NLRP8: variants seen among roughly 807,000 people sequenced by gnomAD.
The protein encoded by NLRP8 is NLR family pyrin domain containing 8, also known as NACHT, LRR and PYD domains-containing protein 8.
NLRP8 carries 86 observed loss-of-function variants against 88.7 expected under a neutral mutation model. The observed-to-expected ratio is 0.97, with a 90% confidence interval of 0.81 to 1.16. NLRP8 has a LOEUF of 1.16. Ranked by LOEUF, NLRP8 falls within the 50% of genes most tolerant of loss-of-function variation. The probability of loss-of-function intolerance (pLI) is 0.00; values close to 1 mark genes in which losing one functional copy is unlikely to be tolerated. For missense variants in NLRP8, 1,342 were observed against 1,286.5 expected, an observed-to-expected ratio of 1.04 and a Z score of -0.66; for synonymous variants, 504 against 494.6, an observed-to-expected ratio of 1.02 and a Z score of -0.25.
In NLRP8 at chr19:55,976,162, GCTGT is replaced by G; in HGVS notation, c.2737_2740del (p.Cys913ArgfsTer3). 1 of 1,607,740 alleles carries G rather than the reference GCTGT, an allele frequency of 6.2e-7. No homozygotes were observed. Among genetic ancestry groups the G allele is most frequent in the Non-Finnish European group, 8.5e-7 (1 of 1,178,556 alleles). On this transcript the variant is annotated frameshift_variant, in exon 8 of 10. Transcript: ENST00000291971. LOFTEE classifies it high-confidence loss of function. ...AGAAAGTGTGACTTGACCTTTAATT[GCTGT>G]CAGGATATGATCTCTGCGCTCTGTA...
intron 4 of NLRP8, among the ~76,000 whole-genome samples, chr19:55,963,987 A>G (rs1474577535): frequency 1.3e-5 from 2 of 152,144 alleles, no homozygotes; most frequent in African/African-American, 4.8e-5. Context: ...CAGATGAGAA[A>G]CTGAGGCATG....
chr19:55,959,334 C>T (rs574886069), intron 3 of NLRP8, among the ~76,000 whole-genome samples: 1 of 151,764 alleles, frequency 6.6e-6, no homozygotes. Context: ...GCCTCAGCCT[C>T]CCCAGTAGCT....
In NLRP8 at chr19:55,973,697, C is replaced by A. The variant is rs779967081; in HGVS notation, c.2580C>A (p.Ala860=). 3 of 1,613,678 alleles carry A rather than the reference C, an allele frequency of 1.9e-6. No individual in the cohort carries two copies. The highest frequency in any genetic ancestry group is 2.5e-6 in the Non-Finnish European group (3 of 1,179,812). ...CACAGCTTACTTGTGAAAGCCTTGC[C>A]TCCTGTCTCAGGCAGAGTAAGATGC... is the stretch of plus-strand genomic sequence containing the variant. Residue 860 remains alanine (A), a synonymous_variant, in exon 7 of 10, where the codon GCC becomes GCA. Transcript: ENST00000291971.
At chr19:55,971,565 T>C (rs1980074909) in intron 6 of NLRP8, among the ~76,000 whole-genome samples, 1 of 151,972 alleles carries the variant, frequency 6.6e-6, no homozygotes, top group African/African-American at 2.4e-5. Flanking sequence ...CACTACAGAA[T>C]GATATTGATA....
At chr19:55,974,752 A>T in intron 7 of NLRP8, among the ~76,000 whole-genome samples, 1 of 149,952 alleles carries the variant, frequency 6.7e-6, no homozygotes, top group African/African-American at 2.5e-5. Context: ...AAAAAAAAAG[A>T]AAGAAAAAAG....
At chr19:55,973,931 G>A (rs1015900064) in intron 7 of NLRP8, 109 bp downstream of exon 7, 174 of 1,093,712 alleles carry the variant, frequency 1.6e-4, no homozygotes, top group Non-Finnish European at 2.0e-4. Flanking sequence ...TGCCTACTGC[G>A]TGTTAGGCAT....
In NLRP8 at chr19:55,955,771, G is replaced by T. The variant is rs1025801446; in HGVS notation, c.1713G>T (p.Val571=). The T allele has an allele frequency of 1.9e-5, 31 of 1,614,010 alleles. No homozygotes were observed. The Middle Eastern group carries it at 6.6e-4, about 34-fold the overall frequency. The change falls in exon 3 of 10, where the codon GTG becomes GTT. Residue 571 remains valine (V), a synonymous_variant. Transcript: ENST00000291971. ...TGAACGAGGCCTGCGCTTCGGCCGT[G>T]GAACAGTCATTCCAATGCAAGGTGT...
intron 8 of NLRP8, among the ~76,000 whole-genome samples, chr19:55,977,904 A>G (rs1449697195): frequency 6.6e-6 from 1 of 152,290 alleles, no homozygotes; most frequent in South Asian, 2.1e-4. Context: ...ATTCAGTATG[A>G]ATTCACTGCC....
chr19:55,968,617 G>T (rs1979945043), intron 5 of NLRP8, among the ~76,000 whole-genome samples: 1 of 148,082 alleles, frequency 6.8e-6, no homozygotes, highest in Admixed American at 6.8e-5. Flanking sequence ...GCTCACACCT[G>T]TAATTCCAGC....
At position 55,948,136 on chromosome 19, in the gene NLRP8, A is replaced by T; in HGVS notation, c.234A>T (p.Thr78=). Residue 78 remains threonine, a synonymous_variant, in exon 1 of 10, where the codon ACA becomes ACT. Coordinates refer to ENST00000291971, the MANE Select transcript of NLRP8 (RefSeq NM_176811.2). ...CCATCACCTGGGACCAGGTCGAGAC[A>T]GCCAGCTGGGCAGAGGTGGTTCATC... 6.2e-7 allele frequency: 1 copy of T among 1,614,188 alleles called. No individual in the cohort carries two copies. Among genetic ancestry groups the T allele is most frequent in the East Asian group, 2.2e-5 (1 of 44,876 alleles).
chr19:55,951,251 G>A (rs535591141), intron 1 of NLRP8, among the ~76,000 whole-genome samples: 26 of 152,260 alleles, frequency 1.7e-4, no homozygotes, highest in African/African-American at 6.3e-4. Flanking sequence ...CGAGCTCAAT[G>A]TTAAATAATC....
chr19:55,954,758 G>A lies in NLRP8; in HGVS notation c.700G>A (p.Ala234Thr), dbSNP rs11880691. Residue 234 changes from alanine (A) to threonine (T), a missense_variant, in exon 3 of 10, where the codon GCC becomes ACC. Ala to Thr is a moderately conservative substitution (Grantham distance 58, BLOSUM62 0). Transcript: ENST00000291971. ...TGAGTGGGCCAGAAACAAGTTCTACGCCCACAAGCGCTGGTGTGCTTTCTA... is the reference window on the plus strand; with the variant it reads ...TGAGTGGGCCAGAAACAAGTTCTACACCCACAAGCGCTGGTGTGCTTTCTA... 9.9e-3 allele frequency: 15,907 copies of A among 1,614,116 alleles called. 1,229 individuals are homozygous for A. In the African/African-American group the frequency reaches 0.18, roughly 18 times the overall value.
At position 55,954,672 on chromosome 19, in the gene NLRP8, C is replaced by G. The variant is rs202231168; in HGVS notation, c.614C>G (p.Thr205Ser). The G allele has an allele frequency of 3.1e-6, 5 of 1,614,172 alleles. No homozygotes were observed. In the East Asian group the frequency reaches 8.9e-5, roughly 29 times the overall value. The change falls in exon 3 of 10, where the codon ACC (threonine) becomes AGC (serine). Residue 205 changes from threonine (T) to serine (S), a missense_variant. By Grantham distance (58) the Thr-to-Ser change is moderately conservative. Transcript: ENST00000291971. ...AGACCCCAGGGTAGACAGCCCAAGA[C>G]CGTGGCCATACAGGGAGCTCCTGGG...
At chr19:55,970,443 C>T in intron 5 of NLRP8, 101 bp from the exon 6 acceptor site, 2 of 1,349,222 alleles carry the variant, frequency 1.5e-6, no homozygotes, top group Non-Finnish European at 1.0e-6. Context: ...CCCCGAGTCT[C>T]TGCTGTGAAG....
In NLRP8 at chr19:55,954,950, A is replaced by G; in HGVS notation, c.892A>G (p.Arg298Gly). The G allele has an allele frequency of 6.2e-7, 1 of 1,614,132 alleles. No individual in the cohort carries two copies. The highest frequency in any genetic ancestry group is 8.5e-7 in the Non-Finnish European group (1 of 1,180,032). Residue 298 changes from arginine (R) to glycine (G), a missense_variant, in exon 3 of 10, where the codon AGA becomes GGA. Arg to Gly is a moderately radical substitution (Grantham distance 125). Transcript: ENST00000291971. The stretch of plus-strand genomic sequence containing the variant: ...GGAGCTCACATCTACCCTCATTGAC[A>G]GACTGGAGGACCTGAGTGAAGACTG...
intron 3 of NLRP8, among the ~76,000 whole-genome samples, chr19:55,956,534 G>T (rs116027494): frequency 0.015 from 2,289 of 152,048 alleles, 67 homozygotes; most frequent in African/African-American, 0.053. Context: ...ATGAGCCATC[G>T]CACGCGGCCA....
intron 9 of NLRP8, among the ~76,000 whole-genome samples, chr19:55,982,781 A>C: frequency 6.6e-6 from 1 of 152,192 alleles, no homozygotes; most frequent in East Asian, 1.9e-4. Flanking sequence ...ATCTACATTA[A>C]AAAATGTTTT....
intron 3 of NLRP8, among the ~76,000 whole-genome samples, chr19:55,960,384 A>G (rs1979555409): frequency 6.6e-6 from 1 of 152,134 alleles, no homozygotes; most frequent in Non-Finnish European, 1.5e-5. Flanking sequence ...ACATTCCACA[A>G]AATCACATTC....
intron 2 of NLRP8, among the ~76,000 whole-genome samples, chr19:55,952,993 A>G (rs1419834179): frequency 6.6e-6 from 1 of 152,142 alleles, no homozygotes; most frequent in Non-Finnish European, 1.5e-5. Context: ...CGGGCCATGG[A>G]CTAGTACCAG....
Sources: allele counts gnomAD v4.1 joint callset (sites outside exome capture counted in the v4.1 genomes callset), GRCh38; gene constraint gnomAD v4.1.1; transcripts MANE v1.5; gene names NCBI Gene and HGNC (gene_info 2026-07-23, HGNC 2026-07-21).